Variants in SLAMF9 observed in about 807,000 individuals in gnomAD.
SLAMF9 encodes SLAM family member 9.
SLAMF9 carries 25 observed loss-of-function variants against 30.4 expected under a neutral mutation model. That is an observed-to-expected ratio of 0.82 (90% CI 0.60 to 1.15). The LOEUF is 1.15. SLAMF9 is among the 50% of genes most tolerant of loss of function. SLAMF9 has a pLI of 0.00. For synonymous variants in SLAMF9, 129 were observed against 127.2 expected (o/e 1.01, Z -0.09); for missense variants, 344 against 346.1 (o/e 0.99, Z 0.05).
At chr1:159,973,969 C>T in the SLAMF9 span, 1 of 1,610,962 alleles carries the variant, frequency 6.2e-7, no homozygotes, top group Middle Eastern at 1.7e-4. Flanking sequence ...TAGAACTTCA[C>T]CTGAGACAGT....
At chr1:159,976,955 AGAAAGAGAAAGAAAGAAGGAAAGAAG>A in the SLAMF9 span, 2 of 6,898 alleles carry the variant, frequency 2.9e-4, no homozygotes, top group African/African-American at 4.4e-4. Context: ...AAAGAAAGAA[AGAAAGAGAAAGAAAGAAGGAAAGAAG>A]GAAAGAAGGA....
At chr1:159,955,781 A>T (rs1166923380), upstream of SLAMF9, among the ~76,000 whole-genome samples, 2 of 152,216 alleles carry the variant, frequency 1.3e-5, no homozygotes, top group Admixed American at 6.5e-5. Flanking sequence ...TCAAGGAGAG[A>T]TATTTAAGAT....
the SLAMF9 span, among the ~76,000 whole-genome samples, chr1:159,961,966 G>A: frequency 4.9e-4 from 75 of 152,036 alleles, no homozygotes; most frequent in African/African-American, 1.5e-3. Flanking sequence ...AGACCAGCCC[G>A]GCCAACATGG....
the SLAMF9 span, among the ~76,000 whole-genome samples, chr1:159,981,026 T>A: frequency 6.6e-6 from 1 of 152,190 alleles, no homozygotes; most frequent in Admixed American, 6.5e-5. Flanking sequence ...AGGCAGCATA[T>A]CTCTTACCTT....
the SLAMF9 span, among the ~76,000 whole-genome samples, chr1:159,962,225 G>A: frequency 6.6e-6 from 1 of 151,860 alleles, no homozygotes; most frequent in Non-Finnish European, 1.5e-5. Flanking sequence ...AAAACATGGG[G>A]TAGAGGGATA....
At chr1:159,964,763 A>G in the SLAMF9 span, among the ~76,000 whole-genome samples, 4 of 152,312 alleles carry the variant, frequency 2.6e-5, no homozygotes, top group South Asian at 6.2e-4. Flanking sequence ...TAACAAAACT[A>G]TACCTGGCAT....
At chr1:159,976,936 GA>G in the SLAMF9 span, 1 of 4,988 alleles carries the variant, frequency 2.0e-4, no homozygotes, top group Non-Finnish European at 1.4e-3. Flanking sequence ...AAGAAAGAAA[GA>G]AAGAAAGAAA....
chr1:159,974,105 C>T, the SLAMF9 span: 1 of 1,414,352 alleles, frequency 7.1e-7, no homozygotes, highest in South Asian at 1.2e-5. Flanking sequence ...AGCTGCAGGT[C>T]CCATCAGTCA....
At chr1:159,975,992 AG>A in the SLAMF9 span, among the ~76,000 whole-genome samples, 2 of 152,136 alleles carry the variant, frequency 1.3e-5, no homozygotes, top group Admixed American at 1.3e-4. Flanking sequence ...TCTGGGCTGG[AG>A]ATAGAGACTT....
chr1:159,953,274 C>A (rs767843142), intron 2 of SLAMF9, 35 bp downstream of exon 2: 1 of 1,558,768 alleles, frequency 6.4e-7, no homozygotes, highest in Admixed American at 1.7e-5. Context: ...GAAGAGCCCC[C>A]AAAACCAGCT....
chr1:159,972,856 G>T, the SLAMF9 span: 1 of 958,180 alleles, frequency 1.0e-6, no homozygotes, highest in Non-Finnish European at 1.4e-6. Flanking sequence ...ACACACATGG[G>T]ATGGGAGGCT....
At chr1:159,981,436 G>A in the SLAMF9 span, among the ~76,000 whole-genome samples, 6 of 152,224 alleles carry the variant, frequency 3.9e-5, no homozygotes, top group Admixed American at 3.9e-4. Context: ...TGCCAAGCCT[G>A]TGATGTCCTC....
the SLAMF9 span, among the ~76,000 whole-genome samples, chr1:159,967,361 A>T: frequency 1.3e-5 from 2 of 152,234 alleles, no homozygotes; most frequent in Admixed American, 1.3e-4. Context: ...CAGTTTTCCC[A>T]CACCATTTAT....
chr1:159,967,122 C>G, the SLAMF9 span, among the ~76,000 whole-genome samples: 36 of 152,246 alleles, frequency 2.4e-4, no homozygotes, highest in African/African-American at 8.4e-4. Context: ...TCAAGTCTTA[C>G]ATTAAAGTCT....
At chr1:159,970,800 T>C in the SLAMF9 span, among the ~76,000 whole-genome samples, 2 of 152,202 alleles carry the variant, frequency 1.3e-5, no homozygotes, top group Non-Finnish European at 2.9e-5. Context: ...TTCCAAAAAC[T>C]ACCCTCAGTT....
the SLAMF9 span, among the ~76,000 whole-genome samples, chr1:159,982,166 G>A: frequency 6.6e-6 from 1 of 152,032 alleles, no homozygotes; most frequent in Non-Finnish European, 1.5e-5. Context: ...ATCTTGTCAC[G>A]CTCTGCTTCC....
the SLAMF9 span, chr1:159,979,094 T>G: frequency 1.3e-5 from 2 of 152,238 alleles, no homozygotes; most frequent in African/African-American, 2.4e-5. Context: ...TAACTTCTAT[T>G]TGGTAATGTT....
At position 159,951,735 on chromosome 1, in the gene SLAMF9, G is replaced by T; in HGVS notation, c.796C>A (p.Pro266Thr). ...VIRVQKRHKM[P>T]RMKKLMRNRM... ...TTTCTCATGAGTTTCTTCATCCTTGGCATTTTGTGTCTTTTCTGGACTCGG... is the reference window on the plus strand; with the variant it reads ...TTTCTCATGAGTTTCTTCATCCTTGTCATTTTGTGTCTTTTCTGGACTCGG... Residue 266 changes from proline (P) to threonine (T), a missense_variant, in exon 4 of 4, where the codon CCA becomes ACA. Coordinates refer to ENST00000368093, the MANE Select transcript of SLAMF9 (RefSeq NM_033438.4). 2 of 1,614,148 alleles carry T rather than the reference G, an allele frequency of 1.2e-6. No homozygotes were observed. Among genetic ancestry groups the T allele is most frequent in the Non-Finnish European group, 1.7e-6 (2 of 1,180,032 alleles).
At chr1:159,973,128 T>A in the SLAMF9 span, 3 of 1,537,560 alleles carry the variant, frequency 2.0e-6, no homozygotes, top group Non-Finnish European at 2.7e-6. Context: ...GGGGCCCCTG[T>A]CCTGCAAGGT....
Sources: gnomAD v4.1 joint callset for allele counts (sites outside exome capture counted in the v4.1 genomes callset) on GRCh38, gnomAD v4.1.1 for gene constraint, MANE v1.5 for transcripts, NCBI Gene and HGNC (gene_info 2026-07-23, HGNC 2026-07-21) for gene names.